The following ST6GAL2 variants were observed in gnomAD, a reference collection of about 807,000 sequenced individuals.
The protein encoded by ST6GAL2 is beta-galactoside alpha-2,6-sialyltransferase 2.
Under a neutral mutation model 37.5 loss-of-function variants are expected in ST6GAL2, and 24 were observed. That is an observed-to-expected ratio of 0.64 (90% CI 0.46 to 0.90). The LOEUF (loss-of-function observed/expected upper bound fraction) is 0.90, where lower values mean the gene tolerates loss of function less well. ST6GAL2 is among the 40% of genes least tolerant of loss of function. The probability of loss-of-function intolerance (pLI) is 0.00; values close to 1 mark genes in which losing one functional copy is unlikely to be tolerated. For synonymous variants in ST6GAL2, 306 were observed against 295.1 expected, an observed-to-expected ratio of 1.04 and a Z score of -0.38; for missense variants, 715 against 712.7, an observed-to-expected ratio of 1.00 and a Z score of -0.04.
At chr2:106,812,964 T>A in intron 5 of ST6GAL2, 1 of 1,022,066 alleles carries the variant, frequency 9.8e-7, no homozygotes, top group South Asian at 5.2e-5. Flanking sequence ...AATGAAAGTT[T>A]TACTGCTTTC....
At chr2:106,808,077 T>C (rs1159558821) in intron 5 of ST6GAL2, among the ~76,000 whole-genome samples, 2 of 152,250 alleles carry the variant, frequency 1.3e-5, no homozygotes. Flanking sequence ...CAGTTATTCT[T>C]GTTATAGCCA....
intron 1 of ST6GAL2, among the ~76,000 whole-genome samples, chr2:106,852,141 C>G (rs1677391122): frequency 6.6e-6 from 1 of 152,228 alleles, no homozygotes; most frequent in South Asian, 2.1e-4. Flanking sequence ...CCTCTAGTTT[C>G]TGCCCATTCT....
intron 1 of ST6GAL2, among the ~76,000 whole-genome samples, chr2:106,848,659 C>T (rs960115293): frequency 3.9e-5 from 6 of 152,092 alleles, no homozygotes; most frequent in Admixed American, 6.6e-5. Context: ...GTCAAGAAGC[C>T]GCAGGAACTT....
chr2:106,848,079 G>C (rs938677178), intron 1 of ST6GAL2, among the ~76,000 whole-genome samples: 42 of 137,602 alleles, frequency 3.1e-4, no homozygotes. Flanking sequence ...GTCTCGCTCT[G>C]TTGCCCAGGC....
intron 1 of ST6GAL2, among the ~76,000 whole-genome samples, chr2:106,850,994 G>A (rs1303455849): frequency 6.6e-6 from 1 of 152,192 alleles, no homozygotes; most frequent in Non-Finnish European, 1.5e-5. Flanking sequence ...CTTTGTCTAC[G>A]ATGGTTTAAG....
chr2:106,858,000 T>G (rs1010657392), intron 1 of ST6GAL2, among the ~76,000 whole-genome samples: 2 of 152,244 alleles, frequency 1.3e-5, no homozygotes, highest in African/African-American at 4.8e-5. Context: ...TTGAGGTTTC[T>G]ACCTCTGAGG....
intron 5 of ST6GAL2, among the ~76,000 whole-genome samples, chr2:106,816,872 C>T (rs915374790): frequency 6.6e-6 from 1 of 152,166 alleles, no homozygotes; most frequent in Non-Finnish European, 1.5e-5. Context: ...GTGCCTCCTC[C>T]ATCCCCCAGC....
chr2:106,806,869 G>A lies in ST6GAL2; in HGVS notation c.1399C>T (p.His467Tyr). The stretch of plus-strand genomic sequence containing the variant: ...GCGTCGTAGTACAGCTCGTGGTAGT[G>A]GCACAGCTCCGTCTGCCGCACGGAT... ...IPSVRQTELC[H>Y]YHELYYDAAC... The change falls in exon 6 of 6, where the codon CAC becomes TAC. Residue 467 changes from histidine to tyrosine, a missense_variant. By Grantham distance (83) the His-to-Tyr change is moderately conservative. This residue lies in a region of ST6GAL2 where 198 missense variants were observed against 203.6 expected (regional missense o/e 0.97). Transcript: ENST00000409382. The A allele has an allele frequency of 6.2e-7, 1 of 1,614,154 alleles. No individual in the cohort carries two copies. Among genetic ancestry groups the A allele is most frequent in the Non-Finnish European group, 8.5e-7 (1 of 1,180,036 alleles).
rs1481308444 is a variant in ST6GAL2, at chr2:106,806,232, A to T, written c.*446T>A. 6.4e-6 allele frequency: 1 copy of T among 155,998 alleles called. No homozygotes were observed. Among genetic ancestry groups the T allele is most frequent in the African/African-American group, 2.4e-5 (1 of 41,512 alleles). The allele number at this position is 155,998 out of a possible 1,614,324, so 9.7% of individuals were successfully genotyped here. On this transcript the variant is annotated 3_prime_UTR_variant, in exon 6 of 6. Transcript: ENST00000409382. ...GTCATAAAACCTAGGATATTTAATG[A>T]TGAATGCATGTATAACTGACACACT...
At chr2:106,883,864 G>A (rs535347934) in intron 1 of ST6GAL2, among the ~76,000 whole-genome samples, 33 of 152,260 alleles carry the variant, frequency 2.2e-4, no homozygotes, top group Non-Finnish European at 4.7e-4. Flanking sequence ...TCACCCATGA[G>A]GTAGCAATCT....
At chr2:106,854,651 G>A (rs944945939) in intron 1 of ST6GAL2, among the ~76,000 whole-genome samples, 20 of 152,196 alleles carry the variant, frequency 1.3e-4, no homozygotes, top group Admixed American at 6.5e-4. Flanking sequence ...CTCTTTAACT[G>A]ACAATAAACT....
intron 1 of ST6GAL2, among the ~76,000 whole-genome samples, chr2:106,882,738 G>C (rs1025910811): frequency 1.3e-5 from 2 of 152,146 alleles, no homozygotes; most frequent in African/African-American, 4.8e-5. Context: ...TGCTCTCTAA[G>C]AAAGTCCAGT....
chr2:106,871,067 C>T (rs1254495122), intron 1 of ST6GAL2, among the ~76,000 whole-genome samples: 2 of 152,160 alleles, frequency 1.3e-5, no homozygotes, highest in Admixed American at 6.5e-5. Context: ...TACTGCACAC[C>T]TAGGCAATGT....
rs770748837 is a variant in ST6GAL2, at chr2:106,843,034, C to A, written c.943+1G>T. 7.1e-7 allele frequency: 1 copy of A among 1,415,420 alleles called. No homozygotes were observed. Among genetic ancestry groups the A allele is most frequent in the East Asian group, 2.7e-5 (1 of 37,000 alleles). 87.7% of individuals were successfully genotyped at this position (1,415,420 alleles called of 1,614,324 possible). ...GACCTGGTCCCCCCGCTGAGACCTA[C>A]CTATTTCCTCGCCCAAGGAAGAGTT... On this transcript the variant is annotated splice_donor_variant, in intron 2 of 5. Transcript: ENST00000409382. LOFTEE classifies it high-confidence loss of function.
At chr2:106,807,022 G>A in intron 5 of ST6GAL2, 73 bp from the exon 6 acceptor site, 3 of 1,349,644 alleles carry the variant, frequency 2.2e-6, no homozygotes, top group East Asian at 2.5e-5. Flanking sequence ...TGGGGGAGGG[G>A]TGGTGGTGAT....
At chr2:106,815,315 G>A (rs1445185565) in intron 5 of ST6GAL2, among the ~76,000 whole-genome samples, 3 of 152,184 alleles carry the variant, frequency 2.0e-5, no homozygotes, top group African/African-American at 7.2e-5. Flanking sequence ...TTAAAGAAAA[G>A]TCTATATAGT....
chr2:106,845,444 A>G (rs556026050), intron 1 of ST6GAL2, among the ~76,000 whole-genome samples: 32 of 152,316 alleles, frequency 2.1e-4, no homozygotes, highest in Non-Finnish European at 3.7e-4. Context: ...GTTAGTAGAA[A>G]TCAGATACTC....
At chr2:106,813,243 T>A in intron 5 of ST6GAL2, 1 of 1,317,494 alleles carries the variant, frequency 7.6e-7, no homozygotes, top group Non-Finnish European at 9.7e-7. Context: ...GGGATTCATT[T>A]GAAGAAAATA....
At chr2:106,864,659 G>A (rs895905975) in intron 1 of ST6GAL2, among the ~76,000 whole-genome samples, 3 of 152,088 alleles carry the variant, frequency 2.0e-5, no homozygotes, top group Non-Finnish European at 2.9e-5. Context: ...TTCTTCAACT[G>A]GAAGACAGAT....
Sources: allele counts gnomAD v4.1 joint callset (sites outside exome capture counted in the v4.1 genomes callset), GRCh38; gene constraint gnomAD v4.1.1; regional missense constraint gnomAD v4.1.1; transcripts MANE v1.5; gene names NCBI Gene and HGNC (gene_info 2026-07-23, HGNC 2026-07-21).